Variants in PLAA observed in about 807,000 individuals in gnomAD.
The protein encoded by PLAA is phospholipase A2 activating protein.
In PLAA, 48 loss-of-function variants were observed where a neutral mutation model predicts 84.1. The observed-to-expected ratio is 0.57, with a 90% confidence interval of 0.45 to 0.73. The LOEUF (loss-of-function observed/expected upper bound fraction) is 0.73, where lower values mean the gene tolerates loss of function less well. Ranked by LOEUF, PLAA falls within the 30% of genes least tolerant of loss-of-function variation. The pLI is 0.00. For synonymous variants in PLAA, 392 were observed against 336.6 expected (o/e 1.16, Z -1.80); for missense variants, 903 against 954.7 (o/e 0.95, Z 0.71).
At chr9:26,913,067 A>G (rs1052359820) in intron 11 of PLAA, among the ~76,000 whole-genome samples, 3 of 152,216 alleles carry the variant, frequency 2.0e-5, no homozygotes, top group Non-Finnish European at 4.4e-5. Context: ...AAAAGTAATA[A>G]AAAATAAAAA....
intron 1 of PLAA, among the ~76,000 whole-genome samples, chr9:26,940,590 T>C (rs1825500445): frequency 6.6e-6 from 1 of 152,196 alleles, no homozygotes; most frequent in Non-Finnish European, 1.5e-5. Context: ...TTACACATTA[T>C]GAATATACTT....
intron 1 of PLAA, among the ~76,000 whole-genome samples, chr9:26,943,575 C>A (rs933939262): frequency 6.6e-6 from 1 of 152,090 alleles, no homozygotes; most frequent in African/African-American, 2.4e-5. Flanking sequence ...ATTTCATTTA[C>A]CACTTGGCTA....
intron 13 of PLAA, among the ~76,000 whole-genome samples, chr9:26,906,974 T>C (rs542501306): frequency 7.1e-6 from 1 of 140,888 alleles, no homozygotes; most frequent in South Asian, 2.2e-4. Flanking sequence ...ATTTTGCCAC[T>C]AGCAATAAAT....
In PLAA at chr9:26,903,625, A is replaced by C. The variant is rs1295747926; in HGVS notation, c.*1886T>G. Among the ~76,000 whole-genome samples, 1 of 152,212 alleles carries C rather than the reference A, an allele frequency of 6.6e-6. No individual in the cohort carries two copies. Among genetic ancestry groups the C allele is most frequent in the Non-Finnish European group, 1.5e-5 (1 of 68,024 alleles). On this transcript the variant is annotated 3_prime_UTR_variant, in exon 14 of 14. Coordinates refer to ENST00000397292, the MANE Select transcript of PLAA (RefSeq NM_001031689.3). ...TTTTGTATTCAGAAAAAACATTAAG[A>C]GAATCATAGGAAAGTTTAACTAAAA...
At chr9:26,914,222 G>A (rs1824483941) in intron 10 of PLAA, among the ~76,000 whole-genome samples, 1 of 152,104 alleles carries the variant, frequency 6.6e-6, no homozygotes, top group African/African-American at 2.4e-5. Flanking sequence ...AGAAATAAAA[G>A]TTTCCAGAAT....
chr9:26,923,190 G>C lies in PLAA; in HGVS notation c.1027C>G (p.Leu343Val). The C allele has an allele frequency of 6.3e-7, 1 of 1,595,388 alleles. No individual in the cohort carries two copies. The change falls in exon 7 of 14, where the codon CTT becomes GTT. Residue 343 changes from leucine to valine, a missense_variant. Physicochemically the swap from Leu to Val is conservative, Grantham distance 32. Coordinates refer to ENST00000397292, the MANE Select transcript of PLAA (RefSeq NM_001031689.3). ...NAEQLPGREH[L>V]NEPGTREGQT... ...ATAAAATACTTACCAGGTTCATTAA[G>C]ATGTTCCCTCCCAGGAAGCTGCTCA...
chr9:26,921,772 T>A (rs921685244), intron 7 of PLAA, among the ~76,000 whole-genome samples: 1 of 152,226 alleles, frequency 6.6e-6, no homozygotes, highest in Non-Finnish European at 1.5e-5. Context: ...GTTCAATAAC[T>A]TACGCAGATC....
At chr9:26,922,669 A>ATT (rs72464032) in intron 7 of PLAA, among the ~76,000 whole-genome samples, 11 of 140,896 alleles carry the variant, frequency 7.8e-5, no homozygotes, top group East Asian at 2.1e-4. Flanking sequence ...ATTTTAACTC[A>ATT]TTTTTTTTTT....
At chr9:26,933,365 G>T (rs1244554702) in intron 2 of PLAA, among the ~76,000 whole-genome samples, 1 of 151,314 alleles carries the variant, frequency 6.6e-6, no homozygotes, top group Non-Finnish European at 1.5e-5. Context: ...AACCCGGGAG[G>T]CAGTCCTGGC....
intron 2 of PLAA, among the ~76,000 whole-genome samples, chr9:26,934,768 C>T (rs866681739): frequency 6.6e-6 from 1 of 152,010 alleles, no homozygotes; most frequent in Non-Finnish European, 1.5e-5. Context: ...TGTGAGCCAC[C>T]GCTCCCGGCC....
At chr9:26,942,830 G>A (rs888407013) in intron 1 of PLAA, among the ~76,000 whole-genome samples, 1 of 138,464 alleles carries the variant, frequency 7.2e-6, no homozygotes, top group Admixed American at 8.1e-5. Context: ...AGTGAGCCGA[G>A]ACAGCGCCAC....
At chr9:26,932,436 T>C (rs1423628683) in intron 2 of PLAA, among the ~76,000 whole-genome samples, 2 of 152,222 alleles carry the variant, frequency 1.3e-5, no homozygotes, top group African/African-American at 4.8e-5. Flanking sequence ...GAAATTCAAA[T>C]TTCAGTGTTC....
intron 9 of PLAA, 74 bp from the exon 10 acceptor site, chr9:26,917,239 T>G (rs1172840354): frequency 8.6e-7 from 1 of 1,165,226 alleles, no homozygotes; most frequent in Non-Finnish European, 1.3e-6. Context: ...AATGCTTGTT[T>G]TAGAAGAACC....
At chr9:26,944,867 C>T (rs998597287) in intron 1 of PLAA, among the ~76,000 whole-genome samples, 2 of 152,216 alleles carry the variant, frequency 1.3e-5, no homozygotes, top group South Asian at 2.1e-4. Flanking sequence ...TGGTGGCTCA[C>T]GCCTGTAATC....
chr9:26,930,218 C>T (rs2131401840), intron 2 of PLAA, among the ~76,000 whole-genome samples: 1 of 151,944 alleles, frequency 6.6e-6, no homozygotes, highest in East Asian at 1.9e-4. Context: ...CATTCTCCTG[C>T]CTCAGCCTCC....
rs1824159239 is a variant in PLAA at position 26,904,096 on chromosome 9, T to C, written c.*1415A>G. ...TACACACCAGGTAGTTCCAATTTAA[T>C]ACTCAGCAAAGTACATATCCCCTCT... is the stretch of plus-strand genomic sequence containing the variant. On this transcript the variant is annotated 3_prime_UTR_variant, in exon 14 of 14. Coordinates refer to ENST00000397292, the MANE Select transcript of PLAA (RefSeq NM_001031689.3). 6.5e-6 allele frequency: 1 copy of C among 153,322 alleles called. No homozygotes were observed. Among genetic ancestry groups the C allele is most frequent in the Non-Finnish European group, 1.5e-5 (1 of 68,022 alleles). The allele number at this position is 153,322 out of a possible 1,614,324, so 9.5% of individuals were successfully genotyped here. A position where few individuals can be genotyped will look rare whatever the true frequency, so the allele number is the denominator to read the frequency against.
chr9:26,917,659 A>C (rs993684190), intron 9 of PLAA, among the ~76,000 whole-genome samples: 1 of 152,198 alleles, frequency 6.6e-6, no homozygotes, highest in Non-Finnish European at 1.5e-5. Flanking sequence ...ATATCCACTG[A>C]AGCTTACAAC....
Position 26,936,859 on chromosome 9 carries a change from G to A in PLAA, c.150-1653C>T, listed in dbSNP as rs370714950. Reference sequence around the variant, plus strand: ...AAGAGGATTTAAAAGGCTGATGCCCGGCCGGGCACAGTGGCTCATGCGTGT... The same window carrying A: ...AAGAGGATTTAAAAGGCTGATGCCCAGCCGGGCACAGTGGCTCATGCGTGT... On this transcript the variant is annotated intron_variant, in intron 1 of 13. Coordinates refer to ENST00000397292, the MANE Select transcript of PLAA (RefSeq NM_001031689.3). 1.1e-4 allele frequency among the ~76,000 whole-genome samples: 17 copies of A among 152,134 alleles called. No individual in the cohort carries two copies. The East Asian group carries it at 1.3e-3, about 12-fold the overall frequency.
chr9:26,916,601 C>T (rs1824569053), intron 10 of PLAA: 1 of 988,554 alleles, frequency 1.0e-6, no homozygotes, highest in African/African-American at 1.7e-5. Flanking sequence ...TGTACTGCTC[C>T]ATCCAATATC....
Sources: allele counts gnomAD v4.1 joint callset (sites outside exome capture counted in the v4.1 genomes callset), GRCh38; gene constraint gnomAD v4.1.1; transcripts MANE v1.5; gene names NCBI Gene and HGNC (gene_info 2026-07-23, HGNC 2026-07-21).